Variants in CELF2 observed in about 807,000 individuals in gnomAD.
CELF2 encodes CUGBP Elav-like family member 2.
Under a neutral mutation model 62.6 loss-of-function variants are expected in CELF2, and 8 were observed. That is an observed-to-expected ratio of 0.13 (90% CI 0.07 to 0.23). The LOEUF is 0.23. Ranked by LOEUF, CELF2 falls within the 10% of genes least tolerant of loss-of-function variation. The probability of loss-of-function intolerance (pLI) is 1.00; values close to 1 mark genes in which losing one functional copy is unlikely to be tolerated. For synonymous variants in CELF2, 258 were observed against 250.0 expected, an observed-to-expected ratio of 1.03 and a Z score of -0.30; for missense variants, 333 against 671.0, an observed-to-expected ratio of 0.50 and a Z score of 5.56.
At chr10:10,749,289 G>C in the CELF2 span, among the ~76,000 whole-genome samples, 6 of 152,082 alleles carry the variant, frequency 3.9e-5, no homozygotes, top group Non-Finnish European at 8.8e-5. Flanking sequence ...TGTGAGCGTG[G>C]GCTTCATTAC....
intron 1 of CELF2, among the ~76,000 whole-genome samples, chr10:11,136,936 A>G (rs546972373): frequency 6.6e-6 from 1 of 152,364 alleles, no homozygotes; most frequent in East Asian, 1.9e-4. Flanking sequence ...TTATCCAACC[A>G]TAAAGCAAAG....
At chr10:10,712,018 A>T in the CELF2 span, among the ~76,000 whole-genome samples, 1 of 152,080 alleles carries the variant, frequency 6.6e-6, no homozygotes, top group African/African-American at 2.4e-5. Flanking sequence ...CAACATCCCA[A>T]GGCCATCATT....
the CELF2 span, among the ~76,000 whole-genome samples, chr10:10,593,882 A>G: frequency 6.6e-6 from 1 of 152,196 alleles, no homozygotes; most frequent in African/African-American, 2.4e-5. Context: ...TGTGAAGTGG[A>G]TACAATAACA....
At chr10:11,248,136 A>C (rs2076165879) in intron 3 of CELF2, among the ~76,000 whole-genome samples, 3 of 152,224 alleles carry the variant, frequency 2.0e-5, no homozygotes, top group Non-Finnish European at 2.9e-5. Flanking sequence ...TTGCGCAGCC[A>C]GTGATTCCTT....
rs748348783 is a variant in CELF2, at chr10:11,242,514, G to A, written c.355-6639G>A. ...GCGACTCTGGAGAGTATAGCTGCTG[G>A]GTGCAGCTGCTCCGTGGCCAGCTTC... On this transcript the variant is annotated intron_variant, in intron 3 of 12. Transcript: ENST00000633077. The surrounding 1 kb of genome is among the most constrained non-coding windows in gnomAD (Gnocchi z 4.8). Among the ~76,000 whole-genome samples the A allele has an allele frequency of 3.9e-5, 6 of 152,162 alleles. No homozygotes were observed. Among genetic ancestry groups the A allele is most frequent in the Non-Finnish European group, 7.4e-5 (5 of 68,016 alleles).
At chr10:11,232,078 G>T (rs1353864155) in intron 3 of CELF2, among the ~76,000 whole-genome samples, 1 of 151,958 alleles carries the variant, frequency 6.6e-6, no homozygotes, top group Non-Finnish European at 1.5e-5. Flanking sequence ...TGCCATGTTG[G>T]TGTGCTGCAC....
At chr10:11,003,697 A>T (rs182500585), upstream of CELF2, among the ~76,000 whole-genome samples, 1 of 152,270 alleles carries the variant, frequency 6.6e-6, no homozygotes, top group Non-Finnish European at 1.5e-5. This position sits in a 1 kb window ranked among gnomAD's most constrained non-coding sequence, Gnocchi z 4.4. Flanking sequence ...TCTCCCTAAG[A>T]TCTCTCTGGT....
At chr10:11,138,433 G>C (rs1346924620) in intron 1 of CELF2, among the ~76,000 whole-genome samples, 1 of 152,172 alleles carries the variant, frequency 6.6e-6, no homozygotes, top group Non-Finnish European at 1.5e-5. Context: ...GGCCATTGCT[G>C]TTCAAGACGG....
At chr10:11,131,608 T>A (rs564929099) in intron 1 of CELF2, among the ~76,000 whole-genome samples, 42 of 152,330 alleles carry the variant, frequency 2.8e-4, no homozygotes, top group African/African-American at 9.4e-4. Flanking sequence ...CATGTTTATG[T>A]GCTACGTTAG....
chr10:10,641,815 C>A, the CELF2 span, among the ~76,000 whole-genome samples: 24,616 of 152,162 alleles, frequency 0.16, 2,132 homozygotes, highest in South Asian at 0.24. Context: ...TCATCTCACA[C>A]CCCATCATGT....
chr10:10,946,799 A>G (rs1029034336), intron 2 of CELF2: 1 of 152,240 alleles, frequency 6.6e-6, no homozygotes, highest in Non-Finnish European at 1.5e-5. Flanking sequence ...AGTTCATACA[A>G]CTAGGACCTC....
At chr10:11,162,158 G>A (rs1446359472) in intron 1 of CELF2, among the ~76,000 whole-genome samples, 1 of 152,210 alleles carries the variant, frequency 6.6e-6, no homozygotes, top group Non-Finnish European at 1.5e-5. Flanking sequence ...TTTCAGCAGT[G>A]CCAGGAGAGA....
intron 2 of CELF2, among the ~76,000 whole-genome samples, chr10:10,964,481 A>G (rs1307163876): frequency 6.6e-6 from 1 of 152,190 alleles, no homozygotes; most frequent in Non-Finnish European, 1.5e-5. Flanking sequence ...TGACCACCAA[A>G]AGTGAGCAAA....
At chr10:11,103,226 A>G (rs369894126) in intron 1 of CELF2, among the ~76,000 whole-genome samples, 49 of 151,946 alleles carry the variant, frequency 3.2e-4, no homozygotes, top group African/African-American at 1.1e-3. Context: ...CCAACCCCAC[A>G]CCATGCTTAC....
chr10:10,903,234 A>G (rs1173550257), intron 1 of CELF2, among the ~76,000 whole-genome samples: 1 of 152,190 alleles, frequency 6.6e-6, no homozygotes, highest in African/African-American at 2.4e-5. Context: ...TCCCTGCAAT[A>G]TTTGTGGGAC....
intron 1 of CELF2, among the ~76,000 whole-genome samples, chr10:10,832,741 C>G (rs2132278779): frequency 6.6e-6 from 1 of 152,270 alleles, no homozygotes; most frequent in African/African-American, 2.4e-5. Flanking sequence ...TTGCTTCTCC[C>G]TTCCCCAGTG....
rs75730048 is a variant in CELF2, at chr10:11,101,450, G to A, written c.75-64036G>A. 7.3e-3 allele frequency among the ~76,000 whole-genome samples: 1,109 copies of A among 152,278 alleles called. 3 individuals are homozygous for A. Among genetic ancestry groups the A allele is most frequent in the Non-Finnish European group, 0.012 (822 of 68,024 alleles). On this transcript the variant is annotated intron_variant, in intron 1 of 12. Coordinates refer to ENST00000633077, the MANE Select transcript of CELF2 (RefSeq NM_001326342.2). ...TAGAGGAAGATGAGACTGTGAAGAAGTTAGAGAGGGCTAGCTCTCAAGACA... is the reference window on the plus strand; with the variant it reads ...TAGAGGAAGATGAGACTGTGAAGAAATTAGAGAGGGCTAGCTCTCAAGACA...
chr10:10,748,559 T>C, the CELF2 span, among the ~76,000 whole-genome samples: 4 of 151,788 alleles, frequency 2.6e-5, no homozygotes, highest in African/African-American at 4.8e-5. Flanking sequence ...CCATCCTGGC[T>C]AGCACAGTGA....
At chr10:10,795,320 T>C (rs930466868), upstream of CELF2, among the ~76,000 whole-genome samples, 2 of 152,128 alleles carry the variant, frequency 1.3e-5, no homozygotes. Flanking sequence ...AAAAAATTTT[T>C]TTTTTATGTA....
Sources: allele counts gnomAD v4.1 joint callset (sites outside exome capture counted in the v4.1 genomes callset), GRCh38; gene constraint gnomAD v4.1.1; non-coding constraint Gnocchi (gnomAD v3.1); transcripts MANE v1.5; gene names NCBI Gene and HGNC (gene_info 2026-07-23, HGNC 2026-07-21).